ENTREP2: variants seen among roughly 807,000 people sequenced by gnomAD.
ENTREP2 encodes protein ENTREP2.
the ENTREP2 span, among the ~76,000 whole-genome samples, chr15:29,247,976 C>T: frequency 2.7e-4 from 41 of 152,342 alleles, no homozygotes; most frequent in East Asian, 6.4e-3. Flanking sequence ...GAAGAAGCTT[C>T]CTTAGAACCA....
At chr15:29,352,734 C>G in the ENTREP2 span, among the ~76,000 whole-genome samples, 1 of 152,202 alleles carries the variant, frequency 6.6e-6, no homozygotes, top group African/African-American at 2.4e-5. Context: ...CAAACCGATA[C>G]TTTTCTTAGG....
chr15:29,537,448 C>A, the ENTREP2 span, among the ~76,000 whole-genome samples: 1 of 152,200 alleles, frequency 6.6e-6, no homozygotes, highest in Admixed American at 6.5e-5. Flanking sequence ...CTTTGGTTTC[C>A]TCCTGATTCT....
the ENTREP2 span, among the ~76,000 whole-genome samples, chr15:29,145,466 C>G: frequency 1.1e-4 from 16 of 151,464 alleles, no homozygotes; most frequent in African/African-American, 3.9e-4. Context: ...ACTAAAAATA[C>G]AAAAAAATTA....
At chr15:29,208,697 C>T in the ENTREP2 span, among the ~76,000 whole-genome samples, 5 of 152,170 alleles carry the variant, frequency 3.3e-5, no homozygotes, top group African/African-American at 1.2e-4. Flanking sequence ...TACCCTACAT[C>T]CTATAACCTA....
the ENTREP2 span, among the ~76,000 whole-genome samples, chr15:29,143,245 T>C: frequency 6.6e-6 from 1 of 152,190 alleles, no homozygotes; most frequent in Admixed American, 6.5e-5. Context: ...AGTGAACAGA[T>C]CAGTAAACAC....
At chr15:29,251,523 A>C in the ENTREP2 span, among the ~76,000 whole-genome samples, 3 of 152,154 alleles carry the variant, frequency 2.0e-5, no homozygotes, top group Non-Finnish European at 4.4e-5. Flanking sequence ...AAACATTATG[A>C]GATATTTTTT....
chr15:29,243,182 C>G, the ENTREP2 span, among the ~76,000 whole-genome samples: 2 of 152,192 alleles, frequency 1.3e-5, no homozygotes, highest in African/African-American at 4.8e-5. Context: ...TTGATCACAA[C>G]AAGCTGGGAA....
At chr15:29,155,494 A>G in the ENTREP2 span, among the ~76,000 whole-genome samples, 16 of 152,032 alleles carry the variant, frequency 1.1e-4, no homozygotes, top group African/African-American at 3.9e-4. Flanking sequence ...CTTCATATGC[A>G]CGTGCTAACC....
At chr15:29,182,190 T>C in the ENTREP2 span, among the ~76,000 whole-genome samples, 3 of 151,812 alleles carry the variant, frequency 2.0e-5, no homozygotes, top group East Asian at 5.8e-4. Context: ...AGTGGCGCTA[T>C]CTCAGCTCAC....
the ENTREP2 span, chr15:29,124,878 G>A: frequency 1.1e-6 from 1 of 925,798 alleles, no homozygotes; most frequent in South Asian, 1.5e-5. Context: ...GGAGAAGCCT[G>A]CTGAGCTGAC....
chr15:29,582,304 A>C, the ENTREP2 span, among the ~76,000 whole-genome samples: 43 of 152,314 alleles, frequency 2.8e-4, no homozygotes, highest in East Asian at 8.1e-3. Context: ...TTTATACAAC[A>C]ATGTATTCAA....
At chr15:29,556,156 C>T in the ENTREP2 span, among the ~76,000 whole-genome samples, 1 of 152,100 alleles carries the variant, frequency 6.6e-6, no homozygotes, top group Admixed American at 6.5e-5. Flanking sequence ...ACTTGGGAGA[C>T]TGAGGTGGGA....
chr15:29,164,532 T>C, the ENTREP2 span, among the ~76,000 whole-genome samples: 1 of 152,206 alleles, frequency 6.6e-6, no homozygotes, highest in Non-Finnish European at 1.5e-5. Context: ...TAGCTATTCT[T>C]ATATCAGACA....
the ENTREP2 span, among the ~76,000 whole-genome samples, chr15:29,332,755 T>G: frequency 2.0e-5 from 3 of 151,870 alleles, no homozygotes; most frequent in African/African-American, 7.3e-5. Context: ...AGGTTGGAAG[T>G]TCAAGATGAG....
chr15:29,551,548 G>C, the ENTREP2 span, among the ~76,000 whole-genome samples: 5 of 152,102 alleles, frequency 3.3e-5, no homozygotes, highest in African/African-American at 1.2e-4. Context: ...AAACTTCACT[G>C]TGCATCATAA....
chr15:29,570,411 G>C, the ENTREP2 span: 1 of 803,884 alleles, frequency 1.2e-6, no homozygotes, highest in Non-Finnish European at 1.6e-6. Context: ...GCCGGAACTT[G>C]CCGCCCGCGG....
At chr15:29,223,530 C>G in the ENTREP2 span, among the ~76,000 whole-genome samples, 4 of 152,222 alleles carry the variant, frequency 2.6e-5, no homozygotes, top group Admixed American at 2.6e-4. Flanking sequence ...TGGGTTGACT[C>G]AGCTACGTGT....
At chr15:29,549,991 G>A in the ENTREP2 span, among the ~76,000 whole-genome samples, 9 of 152,278 alleles carry the variant, frequency 5.9e-5, no homozygotes, top group African/African-American at 2.2e-4. Context: ...TGGATTCTGT[G>A]AGGCACCCAC....
the ENTREP2 span, chr15:29,269,792 C>G: frequency 3.2e-6 from 4 of 1,257,300 alleles, no homozygotes; most frequent in Admixed American, 4.0e-5. Flanking sequence ...AACGCCGGTG[C>G]CTGGAGGCGC....
Sources: gnomAD v4.1 joint callset for allele counts (sites outside exome capture counted in the v4.1 genomes callset) on GRCh38, gnomAD v4.1.1 for gene constraint, MANE v1.5 for transcripts, NCBI Gene and HGNC (gene_info 2026-07-23, HGNC 2026-07-21) for gene names.